Variants in SLC14A1 observed in about 807,000 individuals in gnomAD.
SLC14A1 encodes urea transporter 1.
In SLC14A1, 36 loss-of-function variants were observed where a neutral mutation model predicts 39.6. That is an observed-to-expected ratio of 0.91 (90% CI 0.70 to 1.20). The LOEUF (loss-of-function observed/expected upper bound fraction) is 1.20, where lower values mean the gene tolerates loss of function less well. Among genes scored for constraint, SLC14A1 ranks in the 50% most tolerant of loss-of-function variants. SLC14A1 has a pLI of 0.00. For synonymous variants in SLC14A1, 164 were observed against 173.6 expected (o/e 0.94, Z 0.43); for missense variants, 469 against 478.7 (o/e 0.98, Z 0.19).
At chr18:45,731,914 A>G (rs1197775227) in intron 4 of SLC14A1, among the ~76,000 whole-genome samples, 1 of 152,230 alleles carries the variant, frequency 6.6e-6, no homozygotes, top group East Asian at 1.9e-4. Flanking sequence ...TTACACAACT[A>G]AGCTCTTGTA....
Position 45,749,755 on chromosome 18 carries a change from T to C in SLC14A1, c.997-23T>C, listed in dbSNP as rs560560795. 29 of 1,614,118 alleles carry C rather than the reference T, an allele frequency of 1.8e-5. No homozygotes were observed. In the South Asian group the frequency reaches 2.2e-4, roughly 12 times the overall value. On this transcript the variant is annotated intron_variant, in intron 9 of 9. Transcript: ENST00000321925. ...TGTCAGATGGGATCTGAAAGGAGCG[T>C]GTGGCTTTCTCTTCTTCCCCAGGTT...
chr18:45,739,088 A>C, intron 6 of SLC14A1, 75 bp from the exon 7 acceptor site: 3 of 1,442,974 alleles, frequency 2.1e-6, no homozygotes, highest in Admixed American at 1.7e-5. Flanking sequence ...ATTACATTGT[A>C]GGAGTTTGTG....
In SLC14A1 at chr18:45,748,788, G is replaced by A. The variant is rs190140124; in HGVS notation, c.996+363G>A. ...ATTCCATTGCAGGTGATGCAGGGCC[G>A]GTTTCTGATAGCTTAGTCCATGTTG... is the stretch of plus-strand genomic sequence containing the variant. On this transcript the variant is annotated intron_variant, in intron 9 of 9. Coordinates refer to ENST00000321925, the MANE Select transcript of SLC14A1 (RefSeq NM_015865.7). 9.2e-5 allele frequency among the ~76,000 whole-genome samples: 14 copies of A among 152,288 alleles called. No homozygotes were observed. In the East Asian group the frequency reaches 1.5e-3, roughly 17 times the overall value.
chr18:45,736,356 G>C (rs997575087), intron 5 of SLC14A1, 100 bp from the exon 6 acceptor site: 1 of 1,112,594 alleles, frequency 9.0e-7, no homozygotes, highest in Admixed American at 1.7e-5. Context: ...CACGTAAGGG[G>C]CCTGTTGGCA....
intron 8 of SLC14A1, chr18:45,747,090 C>G (rs538131513): frequency 6.6e-6 from 1 of 152,322 alleles, no homozygotes; most frequent in African/African-American, 2.4e-5. Context: ...CCCACCATGT[C>G]TGCCACATCC....
At chr18:45,739,995 C>G (rs965436660) in intron 8 of SLC14A1, 4 of 377,588 alleles carry the variant, frequency 1.1e-5, no homozygotes, top group African/African-American at 6.3e-5. Context: ...TGGTGCATGC[C>G]ACACATGCCT....
intron 2 of SLC14A1, chr18:45,727,230 C>T: frequency 3.2e-6 from 5 of 1,547,170 alleles, no homozygotes; most frequent in Non-Finnish European, 3.5e-6. Flanking sequence ...CATGCTGATT[C>T]ACATATTTTT....
chr18:45,745,178 G>A (rs771388824), intron 8 of SLC14A1, among the ~76,000 whole-genome samples: 45 of 152,340 alleles, frequency 3.0e-4, no homozygotes, highest in Non-Finnish European at 5.6e-4. Flanking sequence ...GGAAGGCAGA[G>A]CTGCAGTGAG....
At chr18:45,739,835 A>C in intron 8 of SLC14A1, 173 bp downstream of exon 8, 1 of 740,986 alleles carries the variant, frequency 1.3e-6, no homozygotes, top group Non-Finnish European at 2.3e-6. Context: ...AGAGCATTAA[A>C]ATCACCTCTG....
rs2144860935 is a variant in SLC14A1 at position 45,748,410 on chromosome 18, A to T, written c.981A>T (p.Ala327=). Residue 327 remains alanine (A), a synonymous_variant, in exon 9 of 10, where the codon GCA becomes GCT. Transcript: ENST00000321925. ...LFTAYLGVGM[A]NFMAEVGLPA... Reference sequence around the variant, plus strand: ...CGGCCTATCTTGGAGTCGGCATGGCAAACTTTATGGCTGAGGTGAGTTTGC... The same window carrying T: ...CGGCCTATCTTGGAGTCGGCATGGCTAACTTTATGGCTGAGGTGAGTTTGC... The T allele has an allele frequency of 1.2e-6, 2 of 1,614,046 alleles. No individual in the cohort carries two copies. The highest frequency in any genetic ancestry group is 1.7e-6 in the Non-Finnish European group (2 of 1,180,002).
At chr18:45,735,700 T>C (rs537164967) in intron 5 of SLC14A1, among the ~76,000 whole-genome samples, 1 of 152,282 alleles carries the variant, frequency 6.6e-6, no homozygotes, top group Admixed American at 6.5e-5. Context: ...AGGAAGTAAT[T>C]TGGGCCCTGC....
intron 3 of SLC14A1, 32 bp downstream of exon 3, chr18:45,730,503 G>A (rs1305468998): frequency 1.2e-6 from 2 of 1,612,424 alleles, no homozygotes; most frequent in Admixed American, 3.3e-5. Context: ...GGAGAGACAG[G>A]AGAAGTAGCT....
chr18:45,736,754 T>C (rs973540557), intron 6 of SLC14A1, 106 bp downstream of exon 6: 1 of 957,658 alleles, frequency 1.0e-6, no homozygotes, highest in African/African-American at 1.6e-5. Context: ...CTCAGGACTA[T>C]GGTGGCCTTT....
chr18:45,735,261 C>T (rs1289995068), intron 5 of SLC14A1, among the ~76,000 whole-genome samples: 1 of 152,216 alleles, frequency 6.6e-6, no homozygotes, highest in Non-Finnish European at 1.5e-5. Flanking sequence ...ATGAGAATCA[C>T]CTGCAGGGTT....
At chr18:45,725,894 G>A (rs530121650) in intron 2 of SLC14A1, among the ~76,000 whole-genome samples, 9 of 152,304 alleles carry the variant, frequency 5.9e-5, no homozygotes, top group African/African-American at 2.2e-4. Context: ...GCTCAAGGAA[G>A]GGGTTCTCCA....
chr18:45,742,692 G>GTTC (rs386387566), intron 8 of SLC14A1, among the ~76,000 whole-genome samples: 1 of 150,426 alleles, frequency 6.6e-6, no homozygotes, highest in Non-Finnish European at 1.5e-5. Context: ...TGTTGTTGTT[G>GTTC]TTTGAGATGG....
intron 6 of SLC14A1, 102 bp downstream of exon 6, chr18:45,736,750 AC>A (rs2047209260): frequency 1.0e-6 from 1 of 994,274 alleles, no homozygotes; most frequent in East Asian, 2.5e-5. Flanking sequence ...GATGCTCAGG[AC>A]TATGGTGGCC....
intron 8 of SLC14A1, chr18:45,747,323 T>G (rs1166331149): frequency 6.6e-6 from 1 of 152,200 alleles, no homozygotes; most frequent in Non-Finnish European, 1.5e-5. Flanking sequence ...CTTTTGTTGT[T>G]TTACACTGAA....
intron 8 of SLC14A1, among the ~76,000 whole-genome samples, chr18:45,744,536 CT>C (rs1568046136): frequency 6.6e-6 from 1 of 152,060 alleles, no homozygotes; most frequent in African/African-American, 2.4e-5. Context: ...GAAACTAATT[CT>C]TGTTAAAATT....
Sources: gnomAD v4.1 joint callset for allele counts (sites outside exome capture counted in the v4.1 genomes callset) on GRCh38, gnomAD v4.1.1 for gene constraint, MANE v1.5 for transcripts, NCBI Gene and HGNC (gene_info 2026-07-23, HGNC 2026-07-21) for gene names.